Variants in PLCL1 observed in about 807,000 individuals in gnomAD.
PLCL1 encodes inactive phospholipase C-like protein 1.
A neutral mutation model predicts 84.4 loss-of-function variants in PLCL1; 41 were observed. The observed-to-expected ratio is 0.49, with a 90% CI of 0.38 to 0.63. The LOEUF is 0.63. Among genes scored for constraint, PLCL1 ranks in the 30% least tolerant of loss-of-function variants. The probability of loss-of-function intolerance (pLI) is 0.00; values close to 1 mark genes in which losing one functional copy is unlikely to be tolerated. For synonymous variants in PLCL1, 490 were observed against 488.3 expected, an observed-to-expected ratio of 1.00 and a Z score of -0.05; for missense variants, 1,206 against 1,367.8, an observed-to-expected ratio of 0.88 and a Z score of 1.87.
chr2:198,143,197 A>C (rs1280133222), intron 5 of PLCL1, among the ~76,000 whole-genome samples: 1 of 152,108 alleles, frequency 6.6e-6, no homozygotes, highest in Non-Finnish European at 1.5e-5. Context: ...TTTGGGATGA[A>C]ACTGGATCAA....
intron 1 of PLCL1, among the ~76,000 whole-genome samples, chr2:197,917,049 T>C (rs1371820956): frequency 1.3e-5 from 2 of 152,214 alleles, no homozygotes; most frequent in East Asian, 3.8e-4. Flanking sequence ...CCCTCATTCA[T>C]TGCTTCTGGG....
chr2:198,008,568 A>G (rs899482603), intron 1 of PLCL1, among the ~76,000 whole-genome samples: 40 of 150,968 alleles, frequency 2.6e-4, no homozygotes, highest in African/African-American at 9.5e-4. Context: ...ATAATATCCC[A>G]TTGTATATAT....
chr2:197,879,169 A>G (rs1419018577), intron 1 of PLCL1, among the ~76,000 whole-genome samples: 1 of 152,138 alleles, frequency 6.6e-6, no homozygotes, highest in African/African-American at 2.4e-5. Context: ...GCTGCCTTTG[A>G]GATTGCCTTA....
At chr2:198,018,696 G>T (rs1291424598) in intron 1 of PLCL1, among the ~76,000 whole-genome samples, 1 of 152,180 alleles carries the variant, frequency 6.6e-6, no homozygotes, top group Non-Finnish European at 1.5e-5. Context: ...TCCTCTCTGG[G>T]CAGGGCATCT....
chr2:197,809,885 A>G (rs544658372), intron 1 of PLCL1, among the ~76,000 whole-genome samples: 2 of 151,928 alleles, frequency 1.3e-5, no homozygotes, highest in Non-Finnish European at 2.9e-5. Flanking sequence ...GTGATTAAAA[A>G]TTAGTTAAAA....
chr2:197,943,627 C>CTTTTTTTTT (rs5837573), intron 1 of PLCL1, among the ~76,000 whole-genome samples: 1,195 of 118,970 alleles, frequency 0.01, no homozygotes, highest in Non-Finnish European at 0.012. Flanking sequence ...TTGGTTACAT[C>CTTTTTTTTT]TTTTTTTTTT....
At chr2:198,035,110 A>G (rs1036904388) in intron 1 of PLCL1, among the ~76,000 whole-genome samples, 1 of 152,202 alleles carries the variant, frequency 6.6e-6, no homozygotes, top group African/African-American at 2.4e-5. Context: ...CTTGTGGGAG[A>G]CACACCAAGA....
intron 1 of PLCL1, among the ~76,000 whole-genome samples, chr2:197,849,100 G>T (rs926314378): frequency 7.6e-5 from 11 of 145,286 alleles, no homozygotes; most frequent in Non-Finnish European, 1.5e-5. Context: ...TATTGGCAAG[G>T]TGGAGACAAA....
intron 1 of PLCL1, among the ~76,000 whole-genome samples, chr2:198,063,058 T>A (rs1472705619): frequency 6.6e-6 from 1 of 152,200 alleles, no homozygotes; most frequent in East Asian, 1.9e-4. Context: ...GTGGAAAGAA[T>A]GTAGTCTTGA....
chr2:197,827,302 C>T (rs1381124083), intron 1 of PLCL1, among the ~76,000 whole-genome samples: 1 of 152,112 alleles, frequency 6.6e-6, no homozygotes, highest in African/African-American at 2.4e-5. Context: ...GTTCCAATTC[C>T]TACCACTTCC....
intron 1 of PLCL1, among the ~76,000 whole-genome samples, chr2:198,068,235 C>T (rs1215898497): frequency 6.6e-6 from 1 of 152,110 alleles, no homozygotes; most frequent in Non-Finnish European, 1.5e-5. Flanking sequence ...TCATTAAGTA[C>T]TTTATTTCCC....
chr2:198,034,747 A>G lies in PLCL1; in HGVS notation c.241-49011A>G, dbSNP rs1443896116. Among the ~76,000 whole-genome samples, 4 of 152,302 alleles carry G rather than the reference A, an allele frequency of 2.6e-5. No individual in the cohort carries two copies. In the South Asian group the frequency reaches 6.2e-4, roughly 24 times the overall value. The stretch of plus-strand genomic sequence containing the variant: ...TCAATGTCATCTCTAACAAAGGGCA[A>G]AAACCAATTTTTGTGGTCTAGGAAA... On this transcript the variant is annotated intron_variant, in intron 1 of 5. Coordinates refer to ENST00000428675, the MANE Select transcript of PLCL1 (RefSeq NM_006226.4).
intron 5 of PLCL1, among the ~76,000 whole-genome samples, chr2:198,128,771 T>C (rs952656232): frequency 1.3e-4 from 20 of 152,198 alleles, no homozygotes; most frequent in Non-Finnish European, 2.2e-4. Context: ...TTATTGTTCT[T>C]GTTTTAAACC....
At chr2:197,812,289 G>C (rs116721357) in intron 1 of PLCL1, among the ~76,000 whole-genome samples, 2 of 152,132 alleles carry the variant, frequency 1.3e-5, no homozygotes, top group East Asian at 3.9e-4. Context: ...TGTCTTTTTG[G>C]TAGAGCGCTG....
At chr2:197,858,385 C>T (rs1574915882) in intron 1 of PLCL1, among the ~76,000 whole-genome samples, 2 of 152,100 alleles carry the variant, frequency 1.3e-5, no homozygotes, top group African/African-American at 4.8e-5. Flanking sequence ...GGGCCTGAGC[C>T]ATGTGTTCAC....
intron 1 of PLCL1, among the ~76,000 whole-genome samples, chr2:198,014,812 T>C (rs927100137): frequency 2.6e-4 from 39 of 152,046 alleles, no homozygotes; most frequent in African/African-American, 9.4e-4. Context: ...TGTTTTAAGG[T>C]TTTTGATCTC....
intron 4 of PLCL1, among the ~76,000 whole-genome samples, chr2:198,103,033 T>A (rs764458862): frequency 6.6e-5 from 10 of 152,094 alleles, no homozygotes; most frequent in Non-Finnish European, 1.2e-4. Context: ...TTTCCCAAAA[T>A]GCTATTTTTA....
chr2:198,119,940 A>C (rs1415373543), intron 5 of PLCL1, among the ~76,000 whole-genome samples: 1 of 151,946 alleles, frequency 6.6e-6, no homozygotes, highest in Non-Finnish European at 1.5e-5. Flanking sequence ...GTGACACCAA[A>C]ACCTGTCCTT....
In PLCL1 at chr2:198,033,786, T is replaced by C. The variant is rs368884142; in HGVS notation, c.241-49972T>C. On this transcript the variant is annotated intron_variant, in intron 1 of 5. Transcript: ENST00000428675. The stretch of plus-strand genomic sequence containing the variant: ...GCCTCTTTCTTTCTCTGGGTTCCAG[T>C]CTCTACCCCCTCAAGCTGGCTATTT... 3.0e-4 allele frequency among the ~76,000 whole-genome samples: 45 copies of C among 152,222 alleles called. 1 individual carries two copies. The highest frequency in any genetic ancestry group is 1.0e-3 in the African/African-American group (43 of 41,524).
Sources: gnomAD v4.1 joint callset for allele counts (sites outside exome capture counted in the v4.1 genomes callset) on GRCh38, gnomAD v4.1.1 for gene constraint, MANE v1.5 for transcripts, NCBI Gene and HGNC (gene_info 2026-07-23, HGNC 2026-07-21) for gene names.